GLG1: variants seen among roughly 807,000 people sequenced by gnomAD.
GLG1 encodes Golgi apparatus protein 1.
A neutral mutation model predicts 160.5 loss-of-function variants in GLG1; 38 were observed. The ratio of observed to expected loss-of-function variants is 0.24; its 90% CI spans 0.18 to 0.31. The LOEUF (loss-of-function observed/expected upper bound fraction) is 0.31, where lower values mean the gene tolerates loss of function less well. Ranked by LOEUF, GLG1 falls within the 10% of genes least tolerant of loss-of-function variation. GLG1 has a pLI of 1.00. For synonymous variants in GLG1, 644 were observed against 543.4 expected, an observed-to-expected ratio of 1.19 and a Z score of -2.57; for missense variants, 1,373 against 1,505.2, an observed-to-expected ratio of 0.91 and a Z score of 1.45.
At chr16:74,497,019 C>G (rs2016214709) in intron 4 of GLG1, among the ~76,000 whole-genome samples, 1 of 152,108 alleles carries the variant, frequency 6.6e-6, no homozygotes, top group Non-Finnish European at 1.5e-5. Context: ...TGGCTCATGT[C>G]TGTAATTTCA....
intron 2 of GLG1, among the ~76,000 whole-genome samples, chr16:74,516,814 G>A (rs913842510): frequency 2.0e-5 from 3 of 151,928 alleles, no homozygotes; most frequent in African/African-American, 4.8e-5. Flanking sequence ...CTGCTAGCAA[G>A]ACTAATAAAG....
intron 1 of GLG1, among the ~76,000 whole-genome samples, chr16:74,593,678 G>A (rs1389067034): frequency 6.6e-6 from 1 of 151,930 alleles, no homozygotes; most frequent in Non-Finnish European, 1.5e-5. Context: ...CAGGTGATCT[G>A]CCCGCCTCGG....
At chr16:74,505,749 G>C (rs1003137224) in intron 3 of GLG1, among the ~76,000 whole-genome samples, 2 of 152,232 alleles carry the variant, frequency 1.3e-5, no homozygotes, top group Non-Finnish European at 2.9e-5. Flanking sequence ...CAGCTACTTG[G>C]AAGGCTGAGG....
chr16:74,471,899 C>A (rs1371615433), intron 14 of GLG1, among the ~76,000 whole-genome samples: 1 of 89,916 alleles, frequency 1.1e-5, no homozygotes, highest in African/African-American at 4.4e-5. Flanking sequence ...ATCTCTCTCT[C>A]GATCTTGTTT....
At chr16:74,479,593 G>C (rs2015525861) in intron 11 of GLG1, among the ~76,000 whole-genome samples, 1 of 152,136 alleles carries the variant, frequency 6.6e-6, no homozygotes. Flanking sequence ...AAGCTCAGAA[G>C]GGGTATTTCT....
intron 1 of GLG1, among the ~76,000 whole-genome samples, chr16:74,567,477 T>C (rs577765828): frequency 6.6e-6 from 1 of 151,690 alleles, no homozygotes; most frequent in East Asian, 1.9e-4. Flanking sequence ...TTCATTTGGG[T>C]CACGTCAGAA....
At chr16:74,494,979 G>A (rs1008650583) in intron 5 of GLG1, 148 bp from the exon 6 acceptor site, 12 of 441,696 alleles carry the variant, frequency 2.7e-5, no homozygotes, top group South Asian at 4.6e-5. Context: ...AAATTTAATA[G>A]GCTTTTAACA....
At chr16:74,458,129 T>C (rs946070851) in intron 23 of GLG1, 135 bp from the exon 24 acceptor site, 67 of 762,796 alleles carry the variant, frequency 8.8e-5, no homozygotes, top group Admixed American at 1.4e-4. Context: ...TTGGGACAGG[T>C]TGCAAGGTGG....
intron 10 of GLG1, 134 bp from the exon 11 acceptor site, chr16:74,480,528 T>C (rs146163530): frequency 1.7e-6 from 1 of 574,876 alleles, no homozygotes; most frequent in Non-Finnish European, 3.0e-6. Flanking sequence ...ACAGAAGATA[T>C]GTAAAAGTAT....
intron 1 of GLG1, among the ~76,000 whole-genome samples, chr16:74,587,630 A>T (rs1366345778): frequency 6.6e-6 from 1 of 152,208 alleles, no homozygotes; most frequent in Non-Finnish European, 1.5e-5. Flanking sequence ...GCATTTCGGG[A>T]GGCCGAAGTG....
At chr16:74,598,501 C>T (rs142411498) in intron 1 of GLG1, among the ~76,000 whole-genome samples, 121 of 144,552 alleles carry the variant, frequency 8.4e-4, no homozygotes, top group African/African-American at 2.8e-3. Flanking sequence ...AGCTTGGTGA[C>T]AGAATGAGAC....
At chr16:74,476,609 C>G (rs1009823378) in intron 12 of GLG1, among the ~76,000 whole-genome samples, 1 of 152,274 alleles carries the variant, frequency 6.6e-6, no homozygotes, top group East Asian at 1.9e-4. Flanking sequence ...GCTGAGTATC[C>G]TGCATTCAGA....
intron 1 of GLG1, among the ~76,000 whole-genome samples, chr16:74,600,264 G>A (rs1371844255): frequency 6.6e-6 from 1 of 151,996 alleles, no homozygotes; most frequent in Non-Finnish European, 1.5e-5. Context: ...GTGGTGTTGT[G>A]TACCTATAGT....
chr16:74,569,829 C>A (rs1412900025), intron 1 of GLG1, among the ~76,000 whole-genome samples: 1 of 149,488 alleles, frequency 6.7e-6, no homozygotes, highest in South Asian at 2.1e-4. Context: ...GCCACTGCAC[C>A]CTAGCCTGGG....
intron 18 of GLG1, among the ~76,000 whole-genome samples, chr16:74,466,774 T>G (rs946692368): frequency 2.0e-5 from 3 of 152,158 alleles, no homozygotes. Context: ...TGGAGCAGAA[T>G]GGACAAAGCT....
intron 1 of GLG1, among the ~76,000 whole-genome samples, chr16:74,536,441 T>C (rs1451514353): frequency 6.6e-6 from 1 of 152,214 alleles, no homozygotes; most frequent in African/African-American, 2.4e-5. Flanking sequence ...AAAATTGTGC[T>C]AGGCATTGTT....
At chr16:74,525,945 C>CA (rs1412838044) in intron 2 of GLG1, among the ~76,000 whole-genome samples, 1 of 151,988 alleles carries the variant, frequency 6.6e-6, no homozygotes, top group Non-Finnish European at 1.5e-5. Context: ...CACTTGAGGC[C>CA]AGGAGATGGA....
At position 74,577,693 on chromosome 16, in the gene GLG1, A is replaced by G. The variant is rs143722913; in HGVS notation, c.438+28964T>C. Among the ~76,000 whole-genome samples the G allele has an allele frequency of 4.6e-3, 693 of 152,134 alleles. 6 individuals carry two copies. The highest frequency in any genetic ancestry group is 0.016 in the African/African-American group (679 of 41,526). On this transcript the variant is annotated intron_variant, in intron 1 of 25. Transcript: ENST00000422840. ...TAGTGGCATCATCATGGTTCACTGC[A>G]AGCTTGATCTCTTGAGCTCAAGCAA...
intron 20 of GLG1, chr16:74,462,885 G>C (rs1400026849): frequency 2.0e-6 from 1 of 499,560 alleles, no homozygotes; most frequent in Non-Finnish European, 3.5e-6. Context: ...AATACTCTAA[G>C]GAGTCCTCAG....
Sources: gnomAD v4.1 joint callset for allele counts (sites outside exome capture counted in the v4.1 genomes callset) on GRCh38, gnomAD v4.1.1 for gene constraint, MANE v1.5 for transcripts, NCBI Gene and HGNC (gene_info 2026-07-23, HGNC 2026-07-21) for gene names.